CHODL: variants seen among roughly 807,000 people sequenced by gnomAD.
CHODL encodes transmembrane protein MT75.
A neutral mutation model predicts 34.5 loss-of-function variants in CHODL; 29 were observed. The observed-to-expected ratio is 0.84, with a 90% CI of 0.63 to 1.15. CHODL has a LOEUF of 1.15. Ranked by LOEUF, CHODL falls within the 50% of genes most tolerant of loss-of-function variation. The pLI, the probability that CHODL is intolerant of heterozygous loss-of-function variation, is 0.00. For synonymous variants in CHODL, 125 were observed against 116.1 expected (o/e 1.08, Z -0.49); for missense variants, 332 against 332.5 (o/e 1.00, Z 0.01).
intron 1 of CHODL, among the ~76,000 whole-genome samples, chr21:17,993,377 A>C (rs1467854299): frequency 3.3e-5 from 5 of 151,734 alleles, no homozygotes; most frequent in Admixed American, 3.3e-4. Flanking sequence ...CTCACCCATC[A>C]CCCTCTGATA....
chr21:18,104,458 G>A (rs2065251000), intron 2 of CHODL, among the ~76,000 whole-genome samples: 1 of 152,140 alleles, frequency 6.6e-6, no homozygotes, highest in Non-Finnish European at 1.5e-5. Context: ...ATGCTGAAGT[G>A]TGAGTCAATT....
At chr21:17,926,848 A>ACTTTGTTCC (rs2063227513) in intron 1 of CHODL, among the ~76,000 whole-genome samples, 1 of 152,086 alleles carries the variant, frequency 6.6e-6, no homozygotes, top group African/African-American at 2.4e-5. Flanking sequence ...AAATATTATA[A>ACTTTGTTCC]AAAGAATACT....
chr21:18,265,298 C>T (rs867098157), intron 5 of CHODL, among the ~76,000 whole-genome samples: 1 of 142,138 alleles, frequency 7.0e-6, no homozygotes, highest in Non-Finnish European at 1.5e-5. Flanking sequence ...TACACACACA[C>T]ACACACACAC....
At chr21:18,128,819 T>C (rs911736378) in intron 2 of CHODL, among the ~76,000 whole-genome samples, 3 of 152,146 alleles carry the variant, frequency 2.0e-5, no homozygotes, top group Non-Finnish European at 4.4e-5. Context: ...TACATATTCA[T>C]AAAACATTTA....
chr21:17,996,673 G>A (rs1031268450), intron 1 of CHODL, among the ~76,000 whole-genome samples: 9 of 152,180 alleles, frequency 5.9e-5, no homozygotes, highest in Non-Finnish European at 1.0e-4. Flanking sequence ...TAGTAGAGGG[G>A]CTAAGTGTTT....
intron 2 of CHODL, among the ~76,000 whole-genome samples, chr21:18,192,604 CAT>C (rs1367732216): frequency 6.6e-6 from 1 of 152,070 alleles, no homozygotes; most frequent in Admixed American, 6.5e-5. Flanking sequence ...TTAACTTGGA[CAT>C]ATCATTTTGA....
chr21:18,110,739 A>G (rs780925343), intron 2 of CHODL, among the ~76,000 whole-genome samples: 1 of 152,220 alleles, frequency 6.6e-6, no homozygotes, highest in Admixed American at 6.5e-5. Flanking sequence ...CCCACTTTGT[A>G]AGTATAAATC....
At chr21:18,054,785 C>T (rs2064558460) in intron 2 of CHODL, among the ~76,000 whole-genome samples, 1 of 151,952 alleles carries the variant, frequency 6.6e-6, no homozygotes, top group African/African-American at 2.4e-5. Context: ...ATCAAGACAT[C>T]ACATTGTGCC....
At chr21:17,967,073 T>C (rs1213687622) in intron 1 of CHODL, among the ~76,000 whole-genome samples, 6 of 151,938 alleles carry the variant, frequency 3.9e-5, no homozygotes, top group Non-Finnish European at 7.4e-5. Context: ...TTAGTAGAGA[T>C]GGGGTTTCAC....
intron 2 of CHODL, among the ~76,000 whole-genome samples, chr21:18,138,281 G>C (rs1261053534): frequency 6.6e-6 from 1 of 151,476 alleles, no homozygotes; most frequent in East Asian, 1.9e-4. Flanking sequence ...AGCCAAAATT[G>C]GGGAAAATTT....
chr21:17,975,300 C>T (rs954125219), intron 1 of CHODL, among the ~76,000 whole-genome samples: 8 of 151,788 alleles, frequency 5.3e-5, no homozygotes, highest in Non-Finnish European at 8.8e-5. Context: ...GAGTGAAGGG[C>T]GGGAGGAGGG....
chr21:18,174,297 T>C (rs2824679), intron 2 of CHODL, among the ~76,000 whole-genome samples: 88,935 of 150,204 alleles, frequency 0.59, 29,899 homozygotes, highest in Non-Finnish European at 0.78. Context: ...CATATATACA[T>C]AGCACACAAA....
intron 2 of CHODL, among the ~76,000 whole-genome samples, chr21:18,031,405 A>T (rs907948757): frequency 1.3e-5 from 2 of 152,088 alleles, no homozygotes; most frequent in African/African-American, 4.8e-5. Flanking sequence ...AGATGTCAGA[A>T]ATTCCTTGGT....
intron 1 of CHODL, among the ~76,000 whole-genome samples, chr21:18,248,630 TAATAC>T (rs2074175135): frequency 7.6e-6 from 1 of 131,228 alleles, no homozygotes; most frequent in Non-Finnish European, 1.6e-5. Context: ...ATAATATATA[TAATAC>T]ATATATGTAT....
At chr21:17,964,174 TTG>T (rs1222969686) in intron 1 of CHODL, among the ~76,000 whole-genome samples, 1 of 152,232 alleles carries the variant, frequency 6.6e-6, no homozygotes, top group Admixed American at 6.5e-5. Context: ...AATAAAATAA[TTG>T]TCTTTTATGT....
At chr21:18,148,539 T>A (rs1275122120) in intron 2 of CHODL, among the ~76,000 whole-genome samples, 1 of 152,124 alleles carries the variant, frequency 6.6e-6, no homozygotes, top group Non-Finnish European at 1.5e-5. Flanking sequence ...CACAATATTC[T>A]TTTTTTAGAA....
Position 18,013,635 on chromosome 21 carries a change from C to CTTTTTTTTTT in CHODL, c.-144-14229_-144-14220dup, listed in dbSNP as rs1212894827. On this transcript the variant is annotated intron_variant, in intron 1 of 6. Transcript: ENST00000400127. The stretch of plus-strand genomic sequence containing the variant: ...GATCATTGATTTTCTGCTGCTGCTG[C>CTTTTTTTTTT]TTTTTTTTTTTTTTTTTGAGACAGA... Among the ~76,000 whole-genome samples, 195 of 71,866 alleles carry CTTTTTTTTTT rather than the reference C, an allele frequency of 2.7e-3. 58 individuals are homozygous for CTTTTTTTTTT. Among genetic ancestry groups the CTTTTTTTTTT allele is most frequent in the African/African-American group, 9.2e-3 (146 of 15,792 alleles). 47.1% of individuals were successfully genotyped at this position (71,866 alleles called of 152,430 possible).
At chr21:18,031,432 A>C (rs923550674) in intron 2 of CHODL, among the ~76,000 whole-genome samples, 6 of 152,140 alleles carry the variant, frequency 3.9e-5, no homozygotes, top group Non-Finnish European at 5.9e-5. Context: ...AGAGAAGAAG[A>C]AGCTAAAGAA....
chr21:18,089,872 C>A (rs1036950458), intron 2 of CHODL, among the ~76,000 whole-genome samples: 1 of 152,064 alleles, frequency 6.6e-6, no homozygotes, highest in Non-Finnish European at 1.5e-5. Context: ...GAAGCTTCCA[C>A]TGTAAATATT....
Sources: allele counts gnomAD v4.1 joint callset (sites outside exome capture counted in the v4.1 genomes callset), GRCh38; gene constraint gnomAD v4.1.1; transcripts MANE v1.5; gene names NCBI Gene and HGNC (gene_info 2026-07-23, HGNC 2026-07-21).